The following CXCL13 variants were observed in gnomAD, a reference collection of about 807,000 sequenced individuals.
CXCL13 encodes the protein C-X-C motif chemokine ligand 13.
Under a neutral mutation model 12.2 loss-of-function variants are expected in CXCL13, and 7 were observed. That is an observed-to-expected ratio of 0.57 (90% CI 0.33 to 1.07). CXCL13 has a LOEUF of 1.07. Ranked by LOEUF, CXCL13 falls within the 50% of genes least tolerant of loss-of-function variation. The probability of loss-of-function intolerance (pLI) is 0.04; values close to 1 mark genes in which losing one functional copy is unlikely to be tolerated. For missense variants in CXCL13, 113 were observed against 127.4 expected, an observed-to-expected ratio of 0.89 and a Z score of 0.55; for synonymous variants, 47 against 42.4, an observed-to-expected ratio of 1.11 and a Z score of -0.42.
chr4:77,515,785 T>A (rs1350058199), intron 1 of CXCL13, among the ~76,000 whole-genome samples: 1 of 152,230 alleles, frequency 6.6e-6, no homozygotes, highest in Non-Finnish European at 1.5e-5. Flanking sequence ...TTTTCCTAAC[T>A]GAATACCCTT....
chr4:77,538,440 T>C (rs78952492), intron 1 of CXCL13, among the ~76,000 whole-genome samples: 322 of 141,922 alleles, frequency 2.3e-3, no homozygotes, highest in African/African-American at 5.3e-3. Context: ...TTTTTTTTTT[T>C]CCTACAGCTG....
chr4:77,577,994 T>C (rs1726234772), intron 1 of CXCL13, among the ~76,000 whole-genome samples: 1 of 152,104 alleles, frequency 6.6e-6, no homozygotes, highest in Admixed American at 6.5e-5. Context: ...CTCAGATGCA[T>C]CCTCCAAACT....
intron 1 of CXCL13, among the ~76,000 whole-genome samples, chr4:77,522,234 T>C (rs964300666): frequency 2.0e-5 from 3 of 152,046 alleles, no homozygotes; most frequent in African/African-American, 7.2e-5. Context: ...GTCTGCTTGG[T>C]GCAGAGCCGA....
At chr4:77,591,839 C>A (rs17002730) in intron 1 of CXCL13, among the ~76,000 whole-genome samples, 2,095 of 152,308 alleles carry the variant, frequency 0.014, 48 homozygotes, top group African/African-American at 0.046. Context: ...CAACTAACAT[C>A]CACTGAATGA....
chr4:77,611,718 CT>C lies in CXCL13; in HGVS notation c.*684del. Reference sequence around the variant, plus strand: ...CTTGACAAACTTCTTTCACTCACATCTTTTTCACTGACTTTTTTTGTGGGGG... The same window carrying C: ...CTTGACAAACTTCTTTCACTCACATCTTTTCACTGACTTTTTTTGTGGGGG... On this transcript the variant is annotated 3_prime_UTR_variant, in exon 4 of 4. Coordinates refer to ENST00000682537, the MANE Select transcript of CXCL13 (RefSeq NM_001371558.1). The C allele has an allele frequency of 2.5e-6, 1 of 394,362 alleles. No individual in the cohort carries two copies. Among genetic ancestry groups the C allele is most frequent in the Non-Finnish European group, 4.4e-6 (1 of 225,422 alleles). 24.4% of individuals were successfully genotyped at this position (394,362 alleles called of 1,614,324 possible). A position where few individuals can be genotyped will look rare whatever the true frequency, so the allele number is the denominator to read the frequency against.
At chr4:77,594,858 C>G (rs1170136640) in intron 1 of CXCL13, among the ~76,000 whole-genome samples, 2 of 152,142 alleles carry the variant, frequency 1.3e-5, no homozygotes, top group African/African-American at 2.4e-5. Context: ...ACCACAGCAC[C>G]TGTTTACCTA....
Position 77,607,735 on chromosome 4 carries a change from T to C in CXCL13, c.97T>C (p.Cys33Arg). Reference sequence around the variant, plus strand: ...GGAGGTCTATTACACAAGCTTGAGGTGTAGATGTGTCCAAGAGAGCTCAGT... The same window carrying C: ...GGAGGTCTATTACACAAGCTTGAGGCGTAGATGTGTCCAAGAGAGCTCAGT... ...VLEVYYTSLRCRCVQESSVFI... is the reference protein window; with the variant it reads ...VLEVYYTSLRRRCVQESSVFI... The change falls in exon 2 of 4, where the codon TGT becomes CGT. Residue 33 changes from cysteine (C) to arginine (R), a missense_variant. Transcript: ENST00000682537. 1 of 1,613,940 alleles carries C rather than the reference T, an allele frequency of 6.2e-7. No homozygotes were observed. The highest frequency in any genetic ancestry group is 8.5e-7 in the Non-Finnish European group (1 of 1,179,854).
At chr4:77,536,090 A>C (rs923210189) in intron 1 of CXCL13, among the ~76,000 whole-genome samples, 4 of 152,058 alleles carry the variant, frequency 2.6e-5, no homozygotes, top group African/African-American at 9.7e-5. Context: ...GCCAAACCCA[A>C]CTGGAATCCA....
chr4:77,522,777 G>C (rs148313255), intron 1 of CXCL13, among the ~76,000 whole-genome samples: 1 of 151,690 alleles, frequency 6.6e-6, no homozygotes, highest in Admixed American at 6.6e-5. Flanking sequence ...TATTTTGCCC[G>C]TTTATTGATA....
intron 1 of CXCL13, among the ~76,000 whole-genome samples, chr4:77,520,516 T>C (rs977638501): frequency 5.9e-5 from 9 of 152,216 alleles, no homozygotes; most frequent in Non-Finnish European, 4.4e-5. Flanking sequence ...GCTCTCTGTT[T>C]GTCTGCTATT....
At chr4:77,566,150 G>GT (rs1347470500) in intron 1 of CXCL13, among the ~76,000 whole-genome samples, 2 of 152,174 alleles carry the variant, frequency 1.3e-5, no homozygotes, top group Non-Finnish European at 2.9e-5. Flanking sequence ...TCTAATAAAA[G>GT]TATGTGTCAG....
chr4:77,523,730 C>A (rs1417966852), intron 1 of CXCL13, among the ~76,000 whole-genome samples: 1 of 152,210 alleles, frequency 6.6e-6, no homozygotes, highest in Non-Finnish European at 1.5e-5. Flanking sequence ...CAAAGTCATT[C>A]TCTGTCCAGC....
intron 1 of CXCL13, among the ~76,000 whole-genome samples, chr4:77,547,721 A>G (rs780991998): frequency 6.6e-6 from 1 of 152,168 alleles, no homozygotes; most frequent in African/African-American, 2.4e-5. Flanking sequence ...TTGGGCATTT[A>G]GTCCATTTAC....
intron 1 of CXCL13, among the ~76,000 whole-genome samples, chr4:77,598,818 A>ATT (rs200508736): frequency 2.0e-5 from 3 of 148,840 alleles, no homozygotes; most frequent in African/African-American, 7.4e-5. Context: ...CAACACAATG[A>ATT]TTTTTTTTTT....
chr4:77,607,885 A>T, intron 2 of CXCL13, 50 bp downstream of exon 2: 2 of 1,566,332 alleles, frequency 1.3e-6, no homozygotes, highest in Non-Finnish European at 1.8e-6. Context: ...CAATGAAATC[A>T]GATCAAATGT....
At chr4:77,525,802 T>C (rs909532869) in intron 1 of CXCL13, among the ~76,000 whole-genome samples, 3 of 152,174 alleles carry the variant, frequency 2.0e-5, no homozygotes, top group African/African-American at 7.2e-5. Context: ...CCTGGGGTTC[T>C]TTTAAATGGT....
intron 1 of CXCL13, among the ~76,000 whole-genome samples, chr4:77,514,361 G>C (rs1219394864): frequency 1.4e-5 from 2 of 143,782 alleles, no homozygotes; most frequent in Admixed American, 7.1e-5. Flanking sequence ...TCTAGTTCTA[G>C]ATCCCTGAGG....
chr4:77,520,818 T>G (rs1724574459), intron 1 of CXCL13, among the ~76,000 whole-genome samples: 1 of 152,190 alleles, frequency 6.6e-6, no homozygotes, highest in African/African-American at 2.4e-5. Context: ...ATGCTTCCAG[T>G]TTTTGCCCAT....
intron 1 of CXCL13, among the ~76,000 whole-genome samples, chr4:77,566,713 G>A (rs898108416): frequency 2.6e-5 from 4 of 152,112 alleles, no homozygotes; most frequent in Non-Finnish European, 5.9e-5. Context: ...ATATTAGAGT[G>A]CATTTCCTTG....
Sources: gnomAD v4.1 joint callset for allele counts (sites outside exome capture counted in the v4.1 genomes callset) on GRCh38, gnomAD v4.1.1 for gene constraint, MANE v1.5 for transcripts, NCBI Gene and HGNC (gene_info 2026-07-23, HGNC 2026-07-21) for gene names.